EPHA7: variants seen among roughly 807,000 people sequenced by gnomAD.
EPHA7 encodes EPH receptor A7.
A neutral mutation model predicts 112.6 loss-of-function variants in EPHA7; 25 were observed. The observed-to-expected ratio is 0.22, with a 90% CI of 0.16 to 0.31. EPHA7 has a LOEUF of 0.31. Ranked by LOEUF, EPHA7 falls within the 10% of genes least tolerant of loss-of-function variation. The pLI is 1.00. For missense variants in EPHA7, 962 were observed against 1,212.6 expected (o/e 0.79, Z 3.07); for synonymous variants, 437 against 406.5 (o/e 1.07, Z -0.90).
At chr6:93,268,128 A>T (rs1035704193) in intron 7 of EPHA7, among the ~76,000 whole-genome samples, 4 of 151,666 alleles carry the variant, frequency 2.6e-5, no homozygotes, top group Admixed American at 1.3e-4. Context: ...GATCTTATAT[A>T]ATCTATTTAA....
intron 5 of EPHA7, among the ~76,000 whole-genome samples, chr6:93,318,976 T>C (rs563057429): frequency 6.6e-6 from 1 of 152,242 alleles, no homozygotes; most frequent in South Asian, 2.1e-4. Context: ...ATGCATTCAA[T>C]AATTTATCTT....
chr6:93,330,418 G>A (rs1041353208), intron 5 of EPHA7, among the ~76,000 whole-genome samples: 1 of 151,202 alleles, frequency 6.6e-6, no homozygotes, highest in Admixed American at 6.6e-5. Context: ...ATAAGTTTGT[G>A]TATGTGAACC....
rs564153379 is a variant in EPHA7, at chr6:93,296,367, C to T, written c.1325-23945G>A. Among the ~76,000 whole-genome samples the T allele has an allele frequency of 6.7e-5, 10 of 149,580 alleles. No homozygotes were observed. In the East Asian group the frequency reaches 1.8e-3, roughly 26 times the overall value. Reference sequence around the variant, plus strand: ...TTATTGAAACATTATTTACAATAGTCAAGTCAAGGAAATAACCTAACTATC... The same window carrying T: ...TTATTGAAACATTATTTACAATAGTTAAGTCAAGGAAATAACCTAACTATC... On this transcript the variant is annotated intron_variant, in intron 5 of 16. Coordinates refer to ENST00000369303, the MANE Select transcript of EPHA7 (RefSeq NM_004440.4).
intron 5 of EPHA7, among the ~76,000 whole-genome samples, chr6:93,320,608 A>T (rs1225517326): frequency 6.6e-6 from 1 of 151,996 alleles, no homozygotes; most frequent in East Asian, 1.9e-4. Flanking sequence ...ATTCTCTTTC[A>T]TGGTTTTAAA....
At chr6:93,354,540 C>T (rs73532337) in intron 5 of EPHA7, among the ~76,000 whole-genome samples, 2,013 of 148,872 alleles carry the variant, frequency 0.014, 18 homozygotes, top group African/African-American at 0.03. Context: ...TTTTAATATA[C>T]GATTAAGTAT....
intron 5 of EPHA7, among the ~76,000 whole-genome samples, chr6:93,293,184 T>A (rs1772476034): frequency 6.6e-6 from 1 of 151,568 alleles, no homozygotes; most frequent in African/African-American, 2.4e-5. Flanking sequence ...TATATATATA[T>A]AATTTTTTGT....
At chr6:93,389,223 T>C (rs1336574011) in intron 3 of EPHA7, among the ~76,000 whole-genome samples, 1 of 152,086 alleles carries the variant, frequency 6.6e-6, no homozygotes, top group Non-Finnish European at 1.5e-5. Flanking sequence ...GACAGTGTGT[T>C]AAATGCTTTA....
intron 5 of EPHA7, among the ~76,000 whole-genome samples, chr6:93,341,868 T>A (rs901775270): frequency 6.6e-6 from 1 of 151,898 alleles, no homozygotes; most frequent in Non-Finnish European, 1.5e-5. Flanking sequence ...ATTATGGAAG[T>A]ATATTTGTGA....
At chr6:93,308,132 T>C (rs1264488542) in intron 5 of EPHA7, among the ~76,000 whole-genome samples, 1 of 152,142 alleles carries the variant, frequency 6.6e-6, no homozygotes, top group Non-Finnish European at 1.5e-5. Flanking sequence ...TCTTTGTATC[T>C]CATGAGATGC....
intron 5 of EPHA7, among the ~76,000 whole-genome samples, chr6:93,340,203 T>C (rs1162316547): frequency 6.6e-6 from 1 of 151,820 alleles, no homozygotes; most frequent in Non-Finnish European, 1.5e-5. Context: ...TGAGTGTGTA[T>C]GTATACGTGT....
chr6:93,311,112 C>CTTTTTTTTTTTTTT (rs1434719790), intron 5 of EPHA7, among the ~76,000 whole-genome samples: 2 of 71,020 alleles, frequency 2.8e-5, no homozygotes, highest in Admixed American at 1.5e-4. Flanking sequence ...TCATGCCCAG[C>CTTTTTTTTTTTTTT]TATTTTTTTT....
At chr6:93,336,721 A>G (rs576401537) in intron 5 of EPHA7, among the ~76,000 whole-genome samples, 2 of 152,164 alleles carry the variant, frequency 1.3e-5, no homozygotes, top group Non-Finnish European at 2.9e-5. Flanking sequence ...TTTTAAGAAC[A>G]GAAGTGAATA....
intron 5 of EPHA7, among the ~76,000 whole-genome samples, chr6:93,309,472 A>T (rs1773422365): frequency 6.6e-6 from 1 of 152,174 alleles, no homozygotes; most frequent in African/African-American, 2.4e-5. Flanking sequence ...TATAATCATA[A>T]TTAAAAAGCT....
At chr6:93,253,986 C>T (rs750561644) in intron 14 of EPHA7, among the ~76,000 whole-genome samples, 24 of 151,948 alleles carry the variant, frequency 1.6e-4, no homozygotes, top group African/African-American at 4.1e-4. Flanking sequence ...GATGTATACA[C>T]GCTCACATGG....
At chr6:93,308,561 TCTTA>T (rs1240511695) in intron 5 of EPHA7, among the ~76,000 whole-genome samples, 3 of 152,078 alleles carry the variant, frequency 2.0e-5, no homozygotes, top group African/African-American at 4.8e-5. Flanking sequence ...GGAAACAACA[TCTTA>T]CTTACGTGTT....
At chr6:93,272,922 C>T (rs1771297496) in intron 5 of EPHA7, among the ~76,000 whole-genome samples, 1 of 151,838 alleles carries the variant, frequency 6.6e-6, no homozygotes, top group South Asian at 2.1e-4. Flanking sequence ...TGTGTGTATA[C>T]TCCCAAAGAA....
intron 3 of EPHA7, among the ~76,000 whole-genome samples, chr6:93,359,163 A>G (rs1373534900): frequency 1.3e-5 from 2 of 152,174 alleles, no homozygotes; most frequent in African/African-American, 4.8e-5. Flanking sequence ...ACACTAACAC[A>G]GCAACTTTTC....
In EPHA7 at chr6:93,287,876, G is replaced by GT. The variant is rs1209599945; in HGVS notation, c.1325-15455dup. Among the ~76,000 whole-genome samples, 4 of 152,062 alleles carry GT rather than the reference G, an allele frequency of 2.6e-5. No homozygotes were observed. The East Asian group carries it at 7.7e-4, about 29-fold the overall frequency. On this transcript the variant is annotated intron_variant, in intron 5 of 16. Transcript: ENST00000369303. ...TAGGAAAATACAGATTAAACCTACA[G>GT]TAAGATATCACTTGACACCCAACTA...
intron 3 of EPHA7, among the ~76,000 whole-genome samples, chr6:93,360,092 G>C (rs1676875315): frequency 1.3e-5 from 2 of 152,060 alleles, no homozygotes; most frequent in African/African-American, 4.8e-5. Context: ...ATCTTCACTT[G>C]TTTTCAATAG....
Sources: gnomAD v4.1 joint callset for allele counts (sites outside exome capture counted in the v4.1 genomes callset) on GRCh38, gnomAD v4.1.1 for gene constraint, MANE v1.5 for transcripts, NCBI Gene and HGNC (gene_info 2026-07-23, HGNC 2026-07-21) for gene names.